STPG4: variants seen among roughly 807,000 people sequenced by gnomAD.
STPG4 encodes the protein protein STPG4.
STPG4 carries 41 observed loss-of-function variants against 31.5 expected under a neutral mutation model. That is an observed-to-expected ratio of 1.30 (90% CI 1.01 to 1.69). STPG4 has a LOEUF of 1.69. STPG4 is among the 40% of genes most tolerant of loss of function. The pLI, the probability that STPG4 is intolerant of heterozygous loss-of-function variation, is 0.00. For missense variants in STPG4, 375 were observed against 293.4 expected, an observed-to-expected ratio of 1.28 and a Z score of -2.03; for synonymous variants, 141 against 103.0, an observed-to-expected ratio of 1.37 and a Z score of -2.24.
chr2:47,134,499 T>C (rs1245334458), intron 3 of STPG4, among the ~76,000 whole-genome samples: 1 of 152,248 alleles, frequency 6.6e-6, no homozygotes, highest in East Asian at 1.9e-4. Context: ...GTGATATGCA[T>C]TTATGTTTCC....
At chr2:47,130,133 C>A in intron 4 of STPG4, 63 bp downstream of exon 4, 2 of 1,520,366 alleles carry the variant, frequency 1.3e-6, no homozygotes, top group Admixed American at 3.4e-5. Flanking sequence ...GTTTAAAAGC[C>A]AGGAGTATTG....
intron 3 of STPG4, among the ~76,000 whole-genome samples, chr2:47,139,048 G>C (rs941866780): frequency 5.9e-5 from 9 of 152,304 alleles, no homozygotes; most frequent in African/African-American, 2.2e-4. Context: ...ATGTGAGCTG[G>C]AGGAAATGTG....
intron 5 of STPG4, among the ~76,000 whole-genome samples, chr2:47,116,132 G>A (rs1312299103): frequency 6.6e-6 from 1 of 152,148 alleles, no homozygotes; most frequent in East Asian, 1.9e-4. Context: ...CCAATCTTTT[G>A]CCCAAGGGGC....
chr2:47,117,930 A>ATATTTTTTTTT (rs1491090707), intron 5 of STPG4, among the ~76,000 whole-genome samples: 4 of 117,514 alleles, frequency 3.4e-5, no homozygotes, highest in African/African-American at 1.5e-4. Context: ...ATATATATAT[A>ATATTTTTTTTT]TTTTTTTTTT....
At chr2:47,141,065 T>C (rs1686693106) in intron 3 of STPG4, among the ~76,000 whole-genome samples, 1 of 151,950 alleles carries the variant, frequency 6.6e-6, no homozygotes, top group Non-Finnish European at 1.5e-5. Context: ...TTCTGTATTT[T>C]TAGTAGAGAT....
intron 3 of STPG4, among the ~76,000 whole-genome samples, chr2:47,148,080 T>C (rs1010506570): frequency 1.3e-5 from 2 of 151,996 alleles, no homozygotes; most frequent in Admixed American, 6.6e-5. Context: ...GCCTACCAAG[T>C]AGCTGGGATT....
At chr2:47,102,051 T>A (rs1685812378) in intron 5 of STPG4, among the ~76,000 whole-genome samples, 1 of 151,852 alleles carries the variant, frequency 6.6e-6, no homozygotes, top group Non-Finnish European at 1.5e-5. Context: ...GACCACTAAA[T>A]CCAACCTTCT....
intron 5 of STPG4, among the ~76,000 whole-genome samples, chr2:47,127,842 TATTTA>T (rs1686395191): frequency 6.6e-6 from 1 of 152,202 alleles, no homozygotes; most frequent in Middle Eastern, 3.2e-3. Flanking sequence ...ACTCGTGCTT[TATTTA>T]ATTCGATTGG....
intron 5 of STPG4, among the ~76,000 whole-genome samples, chr2:47,116,413 A>G (rs1180928316): frequency 6.6e-6 from 1 of 152,216 alleles, no homozygotes; most frequent in African/African-American, 2.4e-5. Context: ...TGCTCATCTT[A>G]TAAGAATCGA....
chr2:47,153,995 G>A (rs78501213), intron 1 of STPG4, among the ~76,000 whole-genome samples: 3,086 of 152,222 alleles, frequency 0.02, 41 homozygotes, highest in Non-Finnish European at 0.032. Context: ...ATTGTCCACA[G>A]AACACAACCG....
intron 3 of STPG4, among the ~76,000 whole-genome samples, chr2:47,139,778 T>C (rs56215348): frequency 0.092 from 13,927 of 152,164 alleles, 845 homozygotes; most frequent in Non-Finnish European, 0.12. Flanking sequence ...TGTCTTTTAA[T>C]TGGTGTAGTT....
intron 6 of STPG4, 50 bp from the exon 7 acceptor site, chr2:47,087,180 C>G: frequency 1.3e-6 from 2 of 1,544,816 alleles, no homozygotes; most frequent in Non-Finnish European, 1.7e-6. Flanking sequence ...AAACCAAAAC[C>G]CTGAGGCTCC....
chr2:47,099,571 C>G (rs979449213), intron 5 of STPG4, among the ~76,000 whole-genome samples: 13 of 152,266 alleles, frequency 8.5e-5, no homozygotes, highest in African/African-American at 3.1e-4. Flanking sequence ...AGCGTGCTGG[C>G]AGTCCTCAGA....
chr2:47,138,760 G>A (rs568169359), intron 3 of STPG4, among the ~76,000 whole-genome samples: 1 of 152,332 alleles, frequency 6.6e-6, no homozygotes, highest in South Asian at 2.1e-4. Flanking sequence ...ATGTTGGCCA[G>A]GATAGTCTCG....
chr2:47,149,514 A>C (rs748401671), intron 3 of STPG4, among the ~76,000 whole-genome samples: 3 of 152,266 alleles, frequency 2.0e-5, no homozygotes, highest in Non-Finnish European at 2.9e-5. Context: ...CCACTGAAGC[A>C]AACAGGATAA....
In STPG4 at chr2:47,155,187, G is replaced by T; in HGVS notation, c.65C>A (p.Ser22Ter). The change falls in exon 1 of 7, where the codon TCA (serine) becomes TAA (stop). Residue 22 changes from serine (S) to a stop codon, truncating the protein, a stop_gained. Coordinates refer to ENST00000445927, the MANE Select transcript of STPG4 (RefSeq NM_001163561.2). LOFTEE classifies it high-confidence loss of function. The stretch of plus-strand genomic sequence containing the variant: ...CCATCTTACCGAAGCTGTGATGAAT[G>T]ATTCTCCACCCACCAGGTCTTCCCT... Reference protein sequence around the residue: ...SIREDLVGGESFITASKPAQK... With the variant: ...SIREDLVGGE The T allele has an allele frequency of 1.2e-6, 2 of 1,614,166 alleles. No individual in the cohort carries two copies. The highest frequency in any genetic ancestry group is 1.7e-6 in the Non-Finnish European group (2 of 1,180,006).
chr2:47,126,661 C>T (rs1686371973), intron 5 of STPG4, among the ~76,000 whole-genome samples: 1 of 152,156 alleles, frequency 6.6e-6, no homozygotes, highest in African/African-American at 2.4e-5. Flanking sequence ...AATGTCCTTT[C>T]CTTTCAGAAT....
At chr2:47,124,901 T>C (rs1442501235) in intron 5 of STPG4, among the ~76,000 whole-genome samples, 2 of 152,204 alleles carry the variant, frequency 1.3e-5, no homozygotes, top group Non-Finnish European at 2.9e-5. Context: ...TGTACAAGGG[T>C]TCCCTTTTCT....
At chr2:47,096,899 T>G (rs886553370) in intron 5 of STPG4, among the ~76,000 whole-genome samples, 8 of 152,090 alleles carry the variant, frequency 5.3e-5, no homozygotes, top group African/African-American at 1.9e-4. Context: ...CAGAATAGAA[T>G]TCAATATGAA....
Sources: gnomAD v4.1 joint callset for allele counts (sites outside exome capture counted in the v4.1 genomes callset) on GRCh38, gnomAD v4.1.1 for gene constraint, MANE v1.5 for transcripts, NCBI Gene and HGNC (gene_info 2026-07-23, HGNC 2026-07-21) for gene names.